Variants in PRPF38A observed in about 807,000 individuals in gnomAD.
The protein encoded by PRPF38A is pre-mRNA-splicing factor 38A.
A neutral mutation model predicts 46.8 loss-of-function variants in PRPF38A; 11 were observed. The ratio of observed to expected loss-of-function variants is 0.24; its 90% CI spans 0.15 to 0.39. PRPF38A has a LOEUF of 0.39. Ranked by LOEUF, PRPF38A falls within the 10% of genes least tolerant of loss-of-function variation. PRPF38A has a pLI of 1.00. For synonymous variants in PRPF38A, 124 were observed against 136.2 expected, an observed-to-expected ratio of 0.91 and a Z score of 0.62; for missense variants, 261 against 407.5, an observed-to-expected ratio of 0.64 and a Z score of 3.10.
At chr1:52,406,540 GTTAC>G (rs1205211874) in intron 2 of PRPF38A, among the ~76,000 whole-genome samples, 1 of 152,012 alleles carries the variant, frequency 6.6e-6, no homozygotes, top group Non-Finnish European at 1.5e-5. Flanking sequence ...CATTGGAGAG[GTTAC>G]TTAATTTTCT....
intron 5 of PRPF38A, 41 bp downstream of exon 5, chr1:52,412,665 A>C (rs746605097): frequency 3.1e-6 from 4 of 1,290,750 alleles, no homozygotes; most frequent in Non-Finnish European, 4.4e-6. Context: ...GGGAGGGAGT[A>C]ATAGAAAATG....
chr1:52,411,418 A>G (rs1199600008), intron 4 of PRPF38A, among the ~76,000 whole-genome samples: 1 of 152,202 alleles, frequency 6.6e-6, no homozygotes, highest in Admixed American at 6.5e-5. Context: ...AATGGTTTAA[A>G]ACAAGGAAAC....
At chr1:52,413,543 G>A (rs867360013) in intron 5 of PRPF38A, among the ~76,000 whole-genome samples, 5 of 152,024 alleles carry the variant, frequency 3.3e-5, no homozygotes, top group African/African-American at 9.7e-5. Flanking sequence ...CTACAGGCAC[G>A]TGCCAGCATA....
chr1:52,414,550 TG>T, intron 6 of PRPF38A, 70 bp from the exon 7 acceptor site: 1 of 1,526,900 alleles, frequency 6.5e-7, no homozygotes, highest in Non-Finnish European at 9.0e-7. Context: ...AGGATAAGAT[TG>T]GGGCCGTTTT....
At position 52,404,637 on chromosome 1, in the gene PRPF38A, A is replaced by G. The variant is rs1647914179; in HGVS notation, c.-113A>G. The G allele has an allele frequency of 4.9e-6, 6 of 1,214,798 alleles. No homozygotes were observed. The Admixed American group carries it at 1.4e-4, about 29-fold the overall frequency. The allele number at this position is 1,214,798 out of a possible 1,614,324, so 75.3% of individuals were successfully genotyped here. A position where few individuals can be genotyped will look rare whatever the true frequency, so the allele number is the denominator to read the frequency against. ...GTTTCCGGCTTCAAGATGGTCGCCTAAGCTGTTTAGTGAAACTTCTTCCAC... is the reference window on the plus strand; with the variant it reads ...GTTTCCGGCTTCAAGATGGTCGCCTGAGCTGTTTAGTGAAACTTCTTCCAC... On this transcript the variant is annotated 5_prime_UTR_variant, in exon 1 of 10. The change abolishes the stop of an existing upstream ORF in the 5' untranslated region. Coordinates refer to ENST00000257181, the MANE Select transcript of PRPF38A (RefSeq NM_032864.4).
At chr1:52,404,936 C>T in intron 1 of PRPF38A, 57 bp downstream of exon 1, 3 of 1,594,832 alleles carry the variant, frequency 1.9e-6, no homozygotes, top group Admixed American at 1.8e-5. Context: ...TTCTCCTGAC[C>T]GAGCGCGGGT....
intron 1 of PRPF38A, among the ~76,000 whole-genome samples, chr1:52,405,313 G>C (rs917883573): frequency 6.6e-6 from 1 of 152,208 alleles, no homozygotes; most frequent in African/African-American, 2.4e-5. Context: ...AAGTCTTCCA[G>C]GTAATCTTCC....
At chr1:52,410,130 TATAAC>T (rs1336624378) in intron 3 of PRPF38A, among the ~76,000 whole-genome samples, 1 of 123,116 alleles carries the variant, frequency 8.1e-6, no homozygotes. Flanking sequence ...ATAATTTATA[TATAAC>T]ATAATTTATA....
chr1:52,408,739 AT>A, intron 3 of PRPF38A, 49 bp downstream of exon 3: 2 of 1,601,910 alleles, frequency 1.2e-6, no homozygotes, highest in Non-Finnish European at 1.7e-6. Flanking sequence ...GCCAGTTTTT[AT>A]TTTACCAGTA....
rs12024709 is a variant in PRPF38A, at chr1:52,413,057, T to G, written c.609+433T>G. ...ACAATATTTCCTTATTAAAAGCACC[T>G]CAGCTCTGCCATATACTAGTAGTAT... On this transcript the variant is annotated intron_variant, in intron 5 of 9. Transcript: ENST00000257181. 3.9e-3 allele frequency among the ~76,000 whole-genome samples: 591 copies of G among 152,318 alleles called. 26 individuals carry two copies. In the East Asian group the frequency reaches 0.1, roughly 27 times the overall value.
chr1:52,415,537 A>G lies in PRPF38A; in HGVS notation c.896+151A>G, dbSNP rs1391129535. ...TATTGCTTTGAGAATTACTGGGGTT[A>G]GATAACTTTTTCTTTTTTCTCTTTT... On this transcript the variant is annotated intron_variant, in intron 9 of 9. Transcript: ENST00000257181. The G allele has an allele frequency of 9.5e-6, 6 of 632,074 alleles. No homozygotes were observed. In the East Asian group the frequency reaches 1.7e-4, roughly 18 times the overall value. The allele number at this position is 632,074 out of a possible 1,614,324, so 39.2% of individuals were successfully genotyped here.
At chr1:52,413,203 G>C (rs1422283877) in intron 5 of PRPF38A, among the ~76,000 whole-genome samples, 2 of 152,108 alleles carry the variant, frequency 1.3e-5, no homozygotes, top group Non-Finnish European at 2.9e-5. Flanking sequence ...CCTTAGCAGA[G>C]TATTGGCACA....
In PRPF38A at chr1:52,405,706, G is replaced by C. The variant is rs1171989274; in HGVS notation, c.157G>C (p.Glu53Gln). 6.2e-7 allele frequency: 1 copy of C among 1,613,664 alleles called. No individual in the cohort carries two copies. The highest frequency in any genetic ancestry group is 1.1e-5 in the South Asian group (1 of 91,050). ...TAELVVDKAM[E>Q]LRFVGGVYGG... is the part of the protein sequence containing the mutation. ...TGAACTTGTAGTCGATAAAGCCATGGAGTTAAGGTTTGTGGGTGGCGTCTA... is the reference window on the plus strand; with the variant it reads ...TGAACTTGTAGTCGATAAAGCCATGCAGTTAAGGTTTGTGGGTGGCGTCTA... Residue 53 changes from glutamate to glutamine, a missense_variant, in exon 2 of 10, where the codon GAG (glutamate) becomes CAG (glutamine). By Grantham distance (29) the Glu-to-Gln change is conservative (BLOSUM62 2). Coordinates refer to ENST00000257181, the MANE Select transcript of PRPF38A (RefSeq NM_032864.4).
intron 3 of PRPF38A, among the ~76,000 whole-genome samples, chr1:52,410,436 A>G (rs1648115187): frequency 6.6e-6 from 1 of 150,808 alleles, no homozygotes. Context: ...AGTGAGGTTA[A>G]TGATACTTTT....
At chr1:52,416,129 G>A (rs1449195154) in intron 9 of PRPF38A, among the ~76,000 whole-genome samples, 4 of 151,792 alleles carry the variant, frequency 2.6e-5, no homozygotes, top group Admixed American at 6.6e-5. Context: ...ATGAGCCACC[G>A]CGCCGGGCCT....
intron 2 of PRPF38A, among the ~76,000 whole-genome samples, chr1:52,406,462 C>G (rs1273283739): frequency 6.6e-6 from 1 of 152,170 alleles, no homozygotes; most frequent in Non-Finnish European, 1.5e-5. Flanking sequence ...AATCAAACAA[C>G]AAAAGGTGGT....
intron 4 of PRPF38A, among the ~76,000 whole-genome samples, chr1:52,412,143 C>T (rs1280661917): frequency 3.3e-5 from 5 of 152,184 alleles, no homozygotes; most frequent in Non-Finnish European, 5.9e-5. Context: ...TGGTACTACT[C>T]TAGGGCTAGG....
chr1:52,410,391 C>G (rs960473658), intron 3 of PRPF38A, among the ~76,000 whole-genome samples: 1 of 150,118 alleles, frequency 6.7e-6, no homozygotes, highest in Non-Finnish European at 1.5e-5. Context: ...TATAATCTTA[C>G]GCAAATTACT....
rs1231644181 is a variant in PRPF38A, at chr1:52,417,307, T to C, written c.*617T>C. ...ACCCTTTATACAGCCCATTTTTTCA[T>C]AGTTTCATTTGTTCTTGCCCACAAG... On this transcript the variant is annotated 3_prime_UTR_variant, in exon 10 of 10. Coordinates refer to ENST00000257181, the MANE Select transcript of PRPF38A (RefSeq NM_032864.4). 6.6e-6 allele frequency: 1 copy of C among 152,436 alleles called. No individual in the cohort carries two copies. Among genetic ancestry groups the C allele is most frequent in the East Asian group, 1.9e-4 (1 of 5,210 alleles). 9.4% of individuals were successfully genotyped at this position (152,436 alleles called of 1,614,324 possible). A position where few individuals can be genotyped will look rare whatever the true frequency, so the allele number is the denominator to read the frequency against.
Sources: gnomAD v4.1 joint callset for allele counts (sites outside exome capture counted in the v4.1 genomes callset) on GRCh38, gnomAD v4.1.1 for gene constraint, MANE v1.5 for transcripts, NCBI Gene and HGNC (gene_info 2026-07-23, HGNC 2026-07-21) for gene names.